DAB1: variants seen among roughly 807,000 people sequenced by gnomAD.
The protein encoded by DAB1 is disabled homolog 1.
In DAB1, 15 loss-of-function variants were observed where a neutral mutation model predicts 64.6. That is an observed-to-expected ratio of 0.23 (90% CI 0.16 to 0.36). DAB1 has a LOEUF of 0.36. DAB1 is among the 10% of genes least tolerant of loss of function. The pLI is 1.00. For missense variants in DAB1, 596 were observed against 706.7 expected, an observed-to-expected ratio of 0.84 and a Z score of 1.78; for synonymous variants, 235 against 251.9, an observed-to-expected ratio of 0.93 and a Z score of 0.64.
intron 4 of DAB1, among the ~76,000 whole-genome samples, chr1:58,245,148 A>G (rs1420195826): frequency 6.6e-6 from 1 of 152,180 alleles, no homozygotes; most frequent in Non-Finnish European, 1.5e-5. Context: ...TCTTAACGAA[A>G]CTGTCCCAGA....
intron 4 of DAB1, among the ~76,000 whole-genome samples, chr1:58,310,092 T>A (rs1662393645): frequency 6.6e-6 from 1 of 152,114 alleles, no homozygotes; most frequent in South Asian, 2.1e-4. Flanking sequence ...TCTATTAAAA[T>A]ACACACATGC....
chr1:58,276,738 A>G (rs1661454203), intron 4 of DAB1, among the ~76,000 whole-genome samples: 1 of 152,202 alleles, frequency 6.6e-6, no homozygotes, highest in African/African-American at 2.4e-5. Flanking sequence ...AGAACTGGCT[A>G]TCTAGTGCAT....
At chr1:57,086,863 C>T (rs942987604) in intron 4 of DAB1, among the ~76,000 whole-genome samples, 13 of 152,138 alleles carry the variant, frequency 8.5e-5, no homozygotes, top group South Asian at 2.1e-4. Flanking sequence ...TGAGTGAGCA[C>T]GTGTGTCAGT....
At chr1:57,098,357 C>G (rs193201033) in intron 4 of DAB1, among the ~76,000 whole-genome samples, 112 of 152,228 alleles carry the variant, frequency 7.4e-4, no homozygotes, top group African/African-American at 2.5e-3. Flanking sequence ...GAAACTTAGA[C>G]TCAGAGGGGT....
At chr1:57,464,772 C>T (rs1686900438) in intron 7 of DAB1, among the ~76,000 whole-genome samples, 1 of 152,100 alleles carries the variant, frequency 6.6e-6, no homozygotes, top group African/African-American at 2.4e-5. Flanking sequence ...GTGAATTGCA[C>T]TAGTTATCTT....
chr1:58,371,034 T>G (rs528308344), intron 3 of DAB1, among the ~76,000 whole-genome samples: 1 of 152,314 alleles, frequency 6.6e-6, no homozygotes, highest in South Asian at 2.1e-4. Flanking sequence ...AAGTGGAAGC[T>G]ACTTTAGAAC....
At chr1:57,725,984 G>A (rs1012398338) in intron 6 of DAB1, among the ~76,000 whole-genome samples, 4 of 152,068 alleles carry the variant, frequency 2.6e-5, no homozygotes, top group Non-Finnish European at 5.9e-5. Flanking sequence ...GAACTCCTGA[G>A]CTCAGGCAAT....
intron 6 of DAB1, among the ~76,000 whole-genome samples, chr1:57,691,821 A>T (rs576405745): frequency 1.3e-5 from 2 of 152,268 alleles, no homozygotes; most frequent in African/African-American, 2.4e-5. Context: ...GAGCACTCTC[A>T]GACCCCTTTC....
At chr1:58,304,962 C>CT (rs1226274349) in intron 4 of DAB1, among the ~76,000 whole-genome samples, 5 of 151,986 alleles carry the variant, frequency 3.3e-5, no homozygotes, top group African/African-American at 4.8e-5. Context: ...AACAGGTGTT[C>CT]TTTTTTTAAT....
At chr1:57,295,900 T>A (rs74528342) in intron 1 of DAB1, among the ~76,000 whole-genome samples, 2,412 of 152,158 alleles carry the variant, frequency 0.016, 56 homozygotes, top group African/African-American at 0.055. Flanking sequence ...AGCAAATCAA[T>A]TCAATTTTAT....
In DAB1 at chr1:57,391,316, A is replaced by G. The variant is rs903198113; in HGVS notation, c.-137+32614T>C. On this transcript the variant is annotated intron_variant, in intron 1 of 14. Coordinates refer to ENST00000371236, the MANE Select transcript of DAB1 (RefSeq NM_001365792.1). The stretch of plus-strand genomic sequence containing the variant: ...AGAGGCTGCAACAGAGGCATCTGTT[A>G]CTTCTTCATGATCTATTTTGTTGCA... Among the ~76,000 whole-genome samples, 3 of 152,216 alleles carry G rather than the reference A, an allele frequency of 2.0e-5. No homozygotes were observed. The East Asian group carries it at 5.8e-4, about 29-fold the overall frequency.
intron 5 of DAB1, among the ~76,000 whole-genome samples, chr1:57,972,565 G>A (rs905392390): frequency 2.6e-5 from 4 of 152,094 alleles, no homozygotes; most frequent in African/African-American, 7.2e-5. Flanking sequence ...CCTAAAAGGG[G>A]ACTTCATAAG....
chr1:57,325,880 C>T (rs956438010), intron 1 of DAB1, among the ~76,000 whole-genome samples: 6 of 152,094 alleles, frequency 3.9e-5, no homozygotes, highest in African/African-American at 1.4e-4. Flanking sequence ...GATCTGTAAC[C>T]TCAGGTCCAT....
chr1:57,157,419 C>T (rs918418834), intron 2 of DAB1, among the ~76,000 whole-genome samples: 4 of 152,176 alleles, frequency 2.6e-5, no homozygotes, highest in African/African-American at 9.7e-5. Context: ...GCTTAAACAA[C>T]AGACATTTAT....
Position 57,846,436 on chromosome 1 carries a change from C to T in DAB1, n.88-19981G>A, listed in dbSNP as rs142738885. ...TTGTGCCACTGCACTCCAGCCTGGG[C>T]GACAGAGCAAGACTCCATCAAAAAA... On this transcript the variant is annotated intron_variant and non_coding_transcript_variant, in intron 1 of 1. Transcript: ENST00000477280. Among the ~76,000 whole-genome samples the T allele has an allele frequency of 2.0e-3, 286 of 141,774 alleles. 4 individuals carry two copies. In the South Asian group the frequency reaches 0.039, roughly 19 times the overall value. The allele number at this position is 141,774 out of a possible 152,430, so 93.0% of individuals were successfully genotyped here.
At chr1:58,539,746 G>C (rs948225715) in intron 1 of DAB1, among the ~76,000 whole-genome samples, 10 of 152,188 alleles carry the variant, frequency 6.6e-5, no homozygotes, top group Non-Finnish European at 8.8e-5. Context: ...ATCCCTAACA[G>C]ATGGGAAACA....
chr1:58,216,020 G>A (rs1360413091), intron 4 of DAB1, among the ~76,000 whole-genome samples: 1 of 152,080 alleles, frequency 6.6e-6, no homozygotes, highest in Admixed American at 6.6e-5. Context: ...TGGATGGATT[G>A]CAACTCTTTT....
rs2100390855 is a variant in DAB1 at position 57,025,481 on chromosome 1, G to A, written c.786+500C>T. 1.3e-5 allele frequency among the ~76,000 whole-genome samples: 2 copies of A among 152,296 alleles called. 1 individual carries two copies. The highest frequency in any genetic ancestry group is 3.9e-4 in the East Asian group (2 of 5,158). On this transcript the variant is annotated intron_variant, in intron 10 of 14. Coordinates refer to ENST00000371236, the MANE Select transcript of DAB1 (RefSeq NM_001365792.1). Reference sequence around the variant, plus strand: ...AAACAAAAAGGAGGGAGAGAGGAAAGAAAGAGGGAAAGGAGAGAAGGATGG... The same window carrying A: ...AAACAAAAAGGAGGGAGAGAGGAAAAAAAGAGGGAAAGGAGAGAAGGATGG...
rs561847050 is a variant in DAB1, at chr1:57,268,592, C to A, written c.67+22372G>T. ...GGTGAAAAATAAAAAAACCAGGTTT[C>A]TTCCCTGAGAGCACCTTACTCTCTT... On this transcript the variant is annotated intron_variant, in intron 2 of 14. Coordinates refer to ENST00000371236, the MANE Select transcript of DAB1 (RefSeq NM_001365792.1). Among the ~76,000 whole-genome samples, 172 of 152,286 alleles carry A rather than the reference C, an allele frequency of 1.1e-3. 8 individuals carry two copies. The South Asian group carries it at 0.035, about 31-fold the overall frequency.
Sources: allele counts gnomAD v4.1 joint callset (sites outside exome capture counted in the v4.1 genomes callset), GRCh38; gene constraint gnomAD v4.1.1; transcripts MANE v1.5; gene names NCBI Gene and HGNC (gene_info 2026-07-23, HGNC 2026-07-21).